MYO5B: variants seen among roughly 807,000 people sequenced by gnomAD.
MYO5B encodes myosin VB.
A neutral mutation model predicts 229.3 loss-of-function variants in MYO5B; 143 were observed. That is an observed-to-expected ratio of 0.62 (90% CI 0.54 to 0.72). The LOEUF is 0.72. Among genes scored for constraint, MYO5B ranks in the 30% least tolerant of loss-of-function variants. MYO5B has a pLI of 0.00. For synonymous variants in MYO5B, 918 were observed against 885.2 expected (o/e 1.04, Z -0.66); for missense variants, 2,321 against 2,331.0 (o/e 1.00, Z 0.09).
At chr18:49,997,834 G>T in intron 5 of MYO5B, among the ~76,000 whole-genome samples, 1 of 152,144 alleles carries the variant, frequency 6.6e-6, no homozygotes, top group Admixed American at 6.5e-5. Context: ...GTCTGCAGCT[G>T]CTGGGCAGCA....
intron 1 of MYO5B, among the ~76,000 whole-genome samples, chr18:50,087,965 G>A (rs980873204): frequency 6.6e-6 from 1 of 152,246 alleles, no homozygotes; most frequent in Non-Finnish European, 1.5e-5. Flanking sequence ...GAAACTCTGA[G>A]ATGGCAGAGA....
chr18:50,112,752 G>C lies in MYO5B; in HGVS notation c.28-57374C>G, dbSNP rs376118623. Among the ~76,000 whole-genome samples the C allele has an allele frequency of 1.4e-4, 21 of 152,232 alleles. No individual in the cohort carries two copies. In the South Asian group the frequency reaches 4.4e-3, roughly 32 times the overall value. On this transcript the variant is annotated intron_variant, in intron 1 of 39. Coordinates refer to ENST00000285039, the MANE Select transcript of MYO5B (RefSeq NM_001080467.3). ...CTGATGAATTATAATAAATAACAAT[G>C]ACTAATGACAGTAACATCCCTATTG... is the stretch of plus-strand genomic sequence containing the variant.
chr18:49,925,240 C>T (rs1364373448), intron 17 of MYO5B, among the ~76,000 whole-genome samples: 2 of 152,238 alleles, frequency 1.3e-5, no homozygotes, highest in Non-Finnish European at 1.5e-5. Flanking sequence ...TATCATAACC[C>T]AGACAGTCCT....
At chr18:49,876,877 T>G (rs1175790765) in intron 25 of MYO5B, among the ~76,000 whole-genome samples, 2 of 152,220 alleles carry the variant, frequency 1.3e-5, no homozygotes, top group Non-Finnish European at 2.9e-5. Context: ...CATTCTCTAT[T>G]GCTGATGGTC....
rs1473414863 is a variant in MYO5B at position 50,155,228 on chromosome 18, A to T, written c.27+39539T>A. On this transcript the variant is annotated intron_variant, in intron 1 of 39. Transcript: ENST00000285039. ...ACCAGGCCTCACTTCACACAGTTAT[A>T]GTGAACCAGGAGTCATCTCCTCCAC... Among the ~76,000 whole-genome samples, 4 of 152,190 alleles carry T rather than the reference A, an allele frequency of 2.6e-5. No individual in the cohort carries two copies. In the South Asian group the frequency reaches 8.3e-4, roughly 32 times the overall value.
intron 16 of MYO5B, among the ~76,000 whole-genome samples, chr18:49,934,011 G>T (rs1426119623): frequency 6.6e-6 from 1 of 152,082 alleles, no homozygotes; most frequent in Non-Finnish European, 1.5e-5. Flanking sequence ...GAGTAGCTGG[G>T]ACTATAGGCA....
intron 2 of MYO5B, 28 bp downstream of exon 2, chr18:50,055,224 TGCCCCACCTCACCCCC>T: frequency 1.5e-6 from 1 of 658,278 alleles, no homozygotes. Flanking sequence ...CTGAGCTCCC[TGCCCCACCTCACCCCC>T]GCCCCCCTGC....
intron 1 of MYO5B, among the ~76,000 whole-genome samples, chr18:50,066,611 T>G (rs2030825972): frequency 6.6e-6 from 1 of 152,176 alleles, no homozygotes; most frequent in African/African-American, 2.4e-5. Flanking sequence ...CCATCTAAAA[T>G]TCTAGGATAT....
intron 35 of MYO5B, 143 bp from the exon 36 acceptor site, chr18:49,839,437 A>AG: frequency 2.2e-6 from 2 of 902,056 alleles, no homozygotes; most frequent in Non-Finnish European, 3.6e-6. Flanking sequence ...GTTTTACAAA[A>AG]GCCTGTCAGT....
intron 30 of MYO5B, 44 bp from the exon 31 acceptor site, chr18:49,853,691 GC>G: frequency 1.3e-6 from 2 of 1,581,964 alleles, no homozygotes. Flanking sequence ...CCAGGCCAGG[GC>G]CCCCATCTGA....
chr18:49,836,503 CAG>C (rs1188130361), intron 38 of MYO5B, among the ~76,000 whole-genome samples: 1 of 152,102 alleles, frequency 6.6e-6, no homozygotes, highest in African/African-American at 2.4e-5. Flanking sequence ...TACTAGAAAA[CAG>C]TATCTGTGGC....
At chr18:49,850,127 G>A in intron 31 of MYO5B, 1 of 266,912 alleles carries the variant, frequency 3.7e-6, no homozygotes, top group Non-Finnish European at 7.3e-6. Flanking sequence ...GGACACTGGT[G>A]TGGCCCCAGA....
At position 50,070,018 on chromosome 18, in the gene MYO5B, C is replaced by CTTTTTTTTTT. The variant is rs765610800; in HGVS notation, c.28-14650_28-14641dup. 9.1e-5 allele frequency among the ~76,000 whole-genome samples: 10 copies of CTTTTTTTTTT among 110,068 alleles called. 1 individual carries two copies. The highest frequency in any genetic ancestry group is 3.4e-4 in the African/African-American group (9 of 26,472). The allele number at this position is 110,068 out of a possible 152,430, so 72.2% of individuals were successfully genotyped here. A position where few individuals can be genotyped will look rare whatever the true frequency, so the allele number is the denominator to read the frequency against. On this transcript the variant is annotated intron_variant, in intron 1 of 39. Transcript: ENST00000285039. ...CTTACCTGAAATATTGCAATTTAGT[C>CTTTTTTTTTT]TTTTTTTTTTTTTTTTTTTTTGAGA...
chr18:50,164,848 A>G (rs75328266), intron 1 of MYO5B, among the ~76,000 whole-genome samples: 122 of 152,322 alleles, frequency 8.0e-4, no homozygotes, highest in African/African-American at 2.8e-3. Flanking sequence ...CTATCATAAG[A>G]GTAAAATAGA....
chr18:49,957,232 T>A (rs2721085), intron 12 of MYO5B, among the ~76,000 whole-genome samples: 103,700 of 149,586 alleles, frequency 0.69, 36,625 homozygotes, highest in African/African-American at 0.83. Flanking sequence ...TCCCTGTGGA[T>A]CTCTAAACAG....
intron 17 of MYO5B, among the ~76,000 whole-genome samples, chr18:49,925,826 A>C (rs114219737): frequency 0.013 from 1,915 of 152,314 alleles, 42 homozygotes; most frequent in African/African-American, 0.045. Flanking sequence ...TAAGCAGGCA[A>C]TGAAAGGCAG....
chr18:49,862,437 C>T (rs912257698), intron 29 of MYO5B, among the ~76,000 whole-genome samples: 2 of 152,200 alleles, frequency 1.3e-5, no homozygotes, highest in African/African-American at 4.8e-5. Flanking sequence ...TAGGAGCTCA[C>T]CCCATCTTCC....
At position 49,884,538 on chromosome 18, in the gene MYO5B, C is replaced by T. The variant is rs114107296; in HGVS notation, c.3046-4083G>A. Among the ~76,000 whole-genome samples the T allele has an allele frequency of 5.1e-3, 774 of 151,942 alleles. 9 individuals carry two copies. Among genetic ancestry groups the T allele is most frequent in the African/African-American group, 0.017 (715 of 41,444 alleles). ...TCTTATAAGGAAAGTGTCGCATGTG[C>T]AGTTCACAGTAAGATTTGTGCTCCT... On this transcript the variant is annotated intron_variant, in intron 22 of 39. Transcript: ENST00000285039.
chr18:50,034,875 G>C (rs2026431454), intron 4 of MYO5B, among the ~76,000 whole-genome samples: 1 of 152,144 alleles, frequency 6.6e-6, no homozygotes, highest in Admixed American at 6.5e-5. Flanking sequence ...AGCAAAATTA[G>C]GGACCCAGTG....
Sources: gnomAD v4.1 joint callset for allele counts (sites outside exome capture counted in the v4.1 genomes callset) on GRCh38, gnomAD v4.1.1 for gene constraint, MANE v1.5 for transcripts, NCBI Gene and HGNC (gene_info 2026-07-23, HGNC 2026-07-21) for gene names.